ZZEF1: variants seen among roughly 807,000 people sequenced by gnomAD.
ZZEF1 encodes the protein zinc finger ZZ-type and EF-hand domain containing 1.
ZZEF1 carries 157 observed loss-of-function variants against 342.8 expected under a neutral mutation model. That is an observed-to-expected ratio of 0.46 (90% confidence interval 0.40 to 0.52). ZZEF1 has a LOEUF of 0.52. ZZEF1 is among the 20% of genes least tolerant of loss of function. The pLI is 0.00. For missense variants in ZZEF1, 3,480 were observed against 3,725.6 expected, an observed-to-expected ratio of 0.93 and a Z score of 1.72; for synonymous variants, 1,505 against 1,429.1, an observed-to-expected ratio of 1.05 and a Z score of -1.20.
chr17:4,045,732 C>T (rs928827955), intron 37 of ZZEF1, among the ~76,000 whole-genome samples: 1 of 152,156 alleles, frequency 6.6e-6, no homozygotes, highest in African/African-American at 2.4e-5. Context: ...TCAAACAAAA[C>T]CGGATGCTAC....
chr17:4,095,172 A>G (rs1376434421), intron 11 of ZZEF1, among the ~76,000 whole-genome samples: 1 of 152,100 alleles, frequency 6.6e-6, no homozygotes. Flanking sequence ...CTCTGGGCCC[A>G]TGAAGCTGCC....
intron 6 of ZZEF1, among the ~76,000 whole-genome samples, chr17:4,107,909 G>T (rs1367455147): frequency 6.6e-6 from 1 of 152,182 alleles, no homozygotes; most frequent in African/African-American, 2.4e-5. Context: ...GGAATATCTT[G>T]TGTCAGAACA....
Position 4,054,104 on chromosome 17 carries a change from C to T in ZZEF1, c.5387G>A (p.Arg1796His), listed in dbSNP as rs771043246. 39 of 1,613,700 alleles carry T rather than the reference C, an allele frequency of 2.4e-5. No homozygotes were observed. Among genetic ancestry groups the T allele is most frequent in the Middle Eastern group, 1.7e-4 (1 of 6,060 alleles). The change falls in exon 34 of 55, where the codon CGC (arginine) becomes CAC (histidine). Residue 1796 changes from arginine (R) to histidine (H), a missense_variant. Coordinates refer to ENST00000381638, the MANE Select transcript of ZZEF1 (RefSeq NM_015113.4). ...CDEIAPWHRY[R>H]CLQCSDMDLC... The stretch of plus-strand genomic sequence containing the variant: ...ATCCATGTCGCTGCACTGCAGACAG[C>T]GGTATCGATGCCAGGGGGCAATCTC...
At chr17:4,039,703 G>C in intron 39 of ZZEF1, among the ~76,000 whole-genome samples, 1 of 147,004 alleles carries the variant, frequency 6.8e-6, no homozygotes, top group Non-Finnish European at 1.5e-5. Context: ...GAGTGCAGTG[G>C]CACAATCTCG....
intron 11 of ZZEF1, 92 bp from the exon 12 acceptor site, chr17:4,090,922 T>C (rs2057931359): frequency 2.1e-6 from 2 of 932,980 alleles, no homozygotes; most frequent in East Asian, 2.5e-5. Flanking sequence ...ATGTAACTTG[T>C]ATCTGTAGCC....
At position 4,103,450 on chromosome 17, in the gene ZZEF1, G is replaced by A. The variant is rs1043406042; in HGVS notation, c.1574-1035C>T. On this transcript the variant is annotated intron_variant, in intron 8 of 54. Coordinates refer to ENST00000381638, the MANE Select transcript of ZZEF1 (RefSeq NM_015113.4). ...TAGTCCCAGCTACTCAGGAGGCTGA[G>A]GCAAGAGGATCACCTGAACCTGGGA... Among the ~76,000 whole-genome samples, 5 of 152,254 alleles carry A rather than the reference G, an allele frequency of 3.3e-5. No individual in the cohort carries two copies. The East Asian group carries it at 9.6e-4, about 29-fold the overall frequency.
chr17:4,084,456 G>C (rs2057782266), intron 16 of ZZEF1, among the ~76,000 whole-genome samples: 2 of 152,128 alleles, frequency 1.3e-5, no homozygotes, highest in Non-Finnish European at 2.9e-5. Flanking sequence ...TCATAAGTAA[G>C]AGTGGCCTAT....
chr17:4,133,350 A>T (rs1448739031), intron 1 of ZZEF1, among the ~76,000 whole-genome samples: 1 of 152,196 alleles, frequency 6.6e-6, no homozygotes, highest in African/African-American at 2.4e-5. Context: ...GAGGTCACAC[A>T]GCTAGTGTTT....
At chr17:4,050,420 A>G (rs912720791) in intron 36 of ZZEF1, among the ~76,000 whole-genome samples, 4 of 152,220 alleles carry the variant, frequency 2.6e-5, no homozygotes, top group African/African-American at 9.7e-5. Flanking sequence ...TCTCATCTAG[A>G]ATACACTTGT....
intron 6 of ZZEF1, 151 bp downstream of exon 6, chr17:4,109,502 G>A: frequency 1.4e-6 from 1 of 717,514 alleles, no homozygotes; most frequent in Non-Finnish European, 2.4e-6. Flanking sequence ...GTGGAGCTGA[G>A]TGGCACGAAC....
At position 4,024,185 on chromosome 17, in the gene ZZEF1, G is replaced by GTTTT. The variant is rs1491483468; in HGVS notation, c.7092+733_7092+734insAAAA. ...TCATCTCCATGCCAAATATTGCCCA[G>GTTTT]GTTTTTTTTTTTTTTTTTTTTTTTT... On this transcript the variant is annotated intron_variant, in intron 43 of 54. Coordinates refer to ENST00000381638, the MANE Select transcript of ZZEF1 (RefSeq NM_015113.4). Among the ~76,000 whole-genome samples the GTTTT allele has an allele frequency of 6.9e-4, 58 of 83,974 alleles. 4 individuals are homozygous for GTTTT. The highest frequency in any genetic ancestry group is 3.9e-3 in the African/African-American group (55 of 14,082). The allele number at this position is 83,974 out of a possible 152,430, so 55.1% of individuals were successfully genotyped here.
At chr17:4,075,946 G>A (rs2057605702) in intron 21 of ZZEF1, 1 of 152,148 alleles carries the variant, frequency 6.6e-6, no homozygotes, top group South Asian at 2.1e-4. Flanking sequence ...ACACAAGACA[G>A]TGATTAAACG....
chr17:4,026,486 C>A (rs925646792), intron 42 of ZZEF1, among the ~76,000 whole-genome samples: 29 of 149,904 alleles, frequency 1.9e-4, no homozygotes, highest in African/African-American at 7.1e-4. Flanking sequence ...AGAATCTACA[C>A]AAGCCAGAAG....
In ZZEF1 at chr17:4,074,176, T is replaced by C. The variant is rs753635808; in HGVS notation, c.3659A>G (p.Gln1220Arg). The stretch of plus-strand genomic sequence containing the variant: ...GCGCACAGACTTGAGCGCCATGCAC[T>C]GGGAAGCCAGGCGTCCCATCAGCCG... ...VSRLMGRLAS[Q>R]CMALKSVRQL... Residue 1220 changes from glutamine (Q) to arginine (R), a missense_variant, in exon 24 of 55, where the codon CAG becomes CGG. Coordinates refer to ENST00000381638, the MANE Select transcript of ZZEF1 (RefSeq NM_015113.4). 6.2e-7 allele frequency: 1 copy of C among 1,613,942 alleles called. No individual in the cohort carries two copies. The highest frequency in any genetic ancestry group is 8.5e-7 in the Non-Finnish European group (1 of 1,179,916).
At chr17:4,027,861 G>A (rs1000156556) in intron 42 of ZZEF1, among the ~76,000 whole-genome samples, 1 of 151,938 alleles carries the variant, frequency 6.6e-6, no homozygotes, top group African/African-American at 2.4e-5. Context: ...ATTTATTTTT[G>A]TAGAGATAGA....
chr17:4,081,292 G>A (rs1344085447), intron 18 of ZZEF1, 84 bp downstream of exon 18: 2 of 1,103,986 alleles, frequency 1.8e-6, no homozygotes, highest in Admixed American at 1.9e-5. Context: ...ACTGCAAAGA[G>A]GCAAAGGGGG....
chr17:4,072,895 A>T, intron 24 of ZZEF1, 139 bp from the exon 25 acceptor site: 1 of 842,646 alleles, frequency 1.2e-6, no homozygotes, highest in Non-Finnish European at 1.8e-6. Context: ...ACCAGAATGT[A>T]ATTGTGATAC....
intron 53 of ZZEF1, 88 bp downstream of exon 53, chr17:4,009,516 G>A (rs771318922): frequency 1.1e-5 from 17 of 1,581,742 alleles, no homozygotes; most frequent in East Asian, 6.7e-5. Flanking sequence ...ACTCAGGCTC[G>A]GATGAGGCAG....
intron 1 of ZZEF1, among the ~76,000 whole-genome samples, chr17:4,125,336 T>C (rs1048166217): frequency 6.6e-6 from 1 of 152,120 alleles, no homozygotes; most frequent in Admixed American, 6.5e-5. Context: ...TTCTTATTTC[T>C]CTCCTCCATG....
Sources: allele counts gnomAD v4.1 joint callset (sites outside exome capture counted in the v4.1 genomes callset), GRCh38; gene constraint gnomAD v4.1.1; transcripts MANE v1.5; gene names NCBI Gene and HGNC (gene_info 2026-07-23, HGNC 2026-07-21).